SPRN: variants seen among roughly 807,000 people sequenced by gnomAD.
The protein encoded by SPRN is hypothetical protein BC004409.
For missense variants in SPRN, 312 were observed against 241.4 expected (o/e 1.29, Z -1.94); for synonymous variants, 182 against 123.4 (o/e 1.48, Z -3.15).
At chr10:133,423,860 T>A (rs1195005952) in intron 1 of SPRN, among the ~76,000 whole-genome samples, 163 bp from the exon 2 acceptor site, 1 of 152,168 alleles carries the variant, frequency 6.6e-6, no homozygotes, top group Non-Finnish European at 1.5e-5. Context: ...CGGTTTAACC[T>A]CTAGCATCAG....
rs976095197 is a variant in SPRN at position 133,423,346 on chromosome 10, C to G, written c.336G>C (p.Gly112=). The part of the protein sequence containing the change: ...DEEDGVPGGN[G]TGPGIYSYRA... ...GGTAGCTGTAGATGCCGGGGCCTGT[C>G]CCGTTGCCTCCGGGCACCCCGTCCT... The change falls in exon 2 of 2, where the codon GGG becomes GGC. Residue 112 remains glycine, a synonymous_variant. Transcript: ENST00000685335. The G allele has an allele frequency of 6.6e-7, 1 of 1,518,080 alleles. No individual in the cohort carries two copies. The highest frequency in any genetic ancestry group is 1.4e-5 in the African/African-American group (1 of 70,064). 94.0% of individuals were successfully genotyped at this position (1,518,080 alleles called of 1,614,324 possible). A position where few individuals can be genotyped will look rare whatever the true frequency, so the allele number is the denominator to read the frequency against.
chr10:133,423,936 T>C (rs1358065857), intron 1 of SPRN, among the ~76,000 whole-genome samples: 26 of 149,346 alleles, frequency 1.7e-4, no homozygotes, highest in Admixed American at 1.1e-3. Context: ...CACCTGAAGG[T>C]TGTGCACCTG....
In SPRN at chr10:133,423,476, G is replaced by A; in HGVS notation, c.206C>T (p.Ala69Val). ...APGSSLRVAA[A>V]GAAAGAAAGA... ...CGCCGCCGCCCCGGCTGCCGCCCCG[G>A]CGGCAGCCACGCGCAGGGAGGAGCC... is the stretch of plus-strand genomic sequence containing the variant. The change falls in exon 2 of 2, where the codon GCC (alanine) becomes GTC (valine). Residue 69 changes from alanine (A) to valine (V), a missense_variant. Ala to Val is a moderately conservative substitution (Grantham distance 64). Transcript: ENST00000685335. The A allele has an allele frequency of 8.6e-7, 1 of 1,161,526 alleles. No individual in the cohort carries two copies. The highest frequency in any genetic ancestry group is 4.1e-5 in the East Asian group (1 of 24,516). The allele number at this position is 1,161,526 out of a possible 1,614,324, so 72.0% of individuals were successfully genotyped here.
chr10:133,424,296 C>A (rs1288108052), intron 1 of SPRN, among the ~76,000 whole-genome samples, 177 bp downstream of exon 1: 1 of 141,352 alleles, frequency 7.1e-6, no homozygotes, highest in Non-Finnish European at 1.5e-5. Context: ...GTCCCTCCCG[C>A]GCGCGCCCGG....
In SPRN at chr10:133,421,594, C is replaced by T. The variant is rs1056799145; in HGVS notation, c.*1632G>A. On this transcript the variant is annotated 3_prime_UTR_variant, in exon 2 of 2. Transcript: ENST00000685335. ...TGGTCTGGAAGGGGTGGAGGAGCGT[C>T]TGGGCTCACTGGGCCAGGGGCATTG... The T allele has an allele frequency of 2.0e-5, 3 of 153,598 alleles. No individual in the cohort carries two copies. Among genetic ancestry groups the T allele is most frequent in the African/African-American group, 7.2e-5 (3 of 41,446 alleles). 9.5% of individuals were successfully genotyped at this position (153,598 alleles called of 1,614,324 possible). A position where few individuals can be genotyped will look rare whatever the true frequency, so the allele number is the denominator to read the frequency against.
rs1850317974 is a variant in SPRN, at chr10:133,424,227, G to A, written c.-17+246C>T. On this transcript the variant is annotated intron_variant, in intron 1 of 1. Transcript: ENST00000685335. ...TGCGGGCCTTGCGGATGCTGCGGAG[G>A]ACAAGCGGCTGCTGACATCGTGCGG... Among the ~76,000 whole-genome samples the A allele has an allele frequency of 3.0e-5, 4 of 133,540 alleles. No individual in the cohort carries two copies. The South Asian group carries it at 1.0e-3, about 34-fold the overall frequency. The allele number at this position is 133,540 out of a possible 152,430, so 87.6% of individuals were successfully genotyped here.
rs1369557660 is a variant in SPRN at position 133,421,844 on chromosome 10, T to TCC, written c.*1380_*1381dup. The TCC allele has an allele frequency of 1.4e-5, 2 of 147,616 alleles. No individual in the cohort carries two copies. Among genetic ancestry groups the TCC allele is most frequent in the Non-Finnish European group, 3.0e-5 (2 of 67,634 alleles). The allele number at this position is 147,616 out of a possible 1,614,324, so 9.1% of individuals were successfully genotyped here. ...AGGCTCAGGCCCAGGAGGGATGCAG[T>TCC]CCGGCTGAGGGCGAGGCTGTCCCCA... On this transcript the variant is annotated 3_prime_UTR_variant, in exon 2 of 2. Coordinates refer to ENST00000685335, the MANE Select transcript of SPRN (RefSeq NM_001391974.1).
rs946550944 is a variant in SPRN at position 133,422,254 on chromosome 10, C to T, written c.*972G>A. ...CAGGCCGTCAGCTGCCAGCCCACCA[C>T]GCGGATACCCAGGCCCTGTTCCGAG... is the stretch of plus-strand genomic sequence containing the variant. On this transcript the variant is annotated 3_prime_UTR_variant, in exon 2 of 2. Transcript: ENST00000685335. 1.3e-5 allele frequency: 2 copies of T among 152,426 alleles called. No homozygotes were observed. Among genetic ancestry groups the T allele is most frequent in the African/African-American group, 4.8e-5 (2 of 41,468 alleles). The allele number at this position is 152,426 out of a possible 1,614,324, so 9.4% of individuals were successfully genotyped here. A position where few individuals can be genotyped will look rare whatever the true frequency, so the allele number is the denominator to read the frequency against.
rs1850304815 is a variant in SPRN at position 133,423,657 on chromosome 10, A to C, written c.25T>G (p.Trp9Gly). The change falls in exon 2 of 2, where the codon TGG becomes GGG. Residue 9 changes from tryptophan to glycine, a missense_variant. By Grantham distance (184) the Trp-to-Gly change is radical. Transcript: ENST00000685335. MNWAPATC[W>G]ALLLAAAFLC... ...AAGGCGGCCGCCAGTAGCAGAGCCCAGCACGTTGCGGGTGCCCAGTTCATC... is the reference window on the plus strand; with the variant it reads ...AAGGCGGCCGCCAGTAGCAGAGCCCCGCACGTTGCGGGTGCCCAGTTCATC... 4.4e-6 allele frequency: 7 copies of C among 1,586,360 alleles called. No homozygotes were observed. The highest frequency in any genetic ancestry group is 3.4e-5 in the Admixed American group (2 of 58,432).
rs1359088098 is a variant in SPRN, at chr10:133,422,960, CA to C, written c.*265del. ...GTGGCTGGGCGGTTGGTACAGGAGCCACAGGCAGCTGCCTTTTTGGCTGAGG... is the reference window on the plus strand; with the variant it reads ...GTGGCTGGGCGGTTGGTACAGGAGCCCAGGCAGCTGCCTTTTTGGCTGAGG... On this transcript the variant is annotated 3_prime_UTR_variant, in exon 2 of 2. Coordinates refer to ENST00000685335, the MANE Select transcript of SPRN (RefSeq NM_001391974.1). 2.7e-6 allele frequency: 1 copy of C among 373,988 alleles called. No individual in the cohort carries two copies. Among genetic ancestry groups the C allele is most frequent in the Non-Finnish European group, 4.8e-6 (1 of 208,422 alleles). 23.2% of individuals were successfully genotyped at this position (373,988 alleles called of 1,614,324 possible).
intron 1 of SPRN, among the ~76,000 whole-genome samples, chr10:133,423,952 G>A (rs1180306604): frequency 2.6e-5 from 4 of 151,324 alleles, no homozygotes; most frequent in Non-Finnish European, 5.9e-5. Flanking sequence ...ACCTGGATTG[G>A]GGGTGTAGAA....
chr10:133,421,193 T>A lies in SPRN; in HGVS notation c.*2033A>T, dbSNP rs1266757928. ...CTCTGCTGCCCCATACCCCACACAC[T>A]CATCAGCCTGAAGTTAGCCCCTGAG... is the stretch of plus-strand genomic sequence containing the variant. On this transcript the variant is annotated 3_prime_UTR_variant, in exon 2 of 2. Coordinates refer to ENST00000685335, the MANE Select transcript of SPRN (RefSeq NM_001391974.1). The A allele has an allele frequency of 1.3e-5, 2 of 152,318 alleles. No individual in the cohort carries two copies. Among genetic ancestry groups the A allele is most frequent in the African/African-American group, 4.8e-5 (2 of 41,354 alleles). 9.4% of individuals were successfully genotyped at this position (152,318 alleles called of 1,614,324 possible).
At position 133,423,589 on chromosome 10, in the gene SPRN, C is replaced by T. The variant is rs1218917176; in HGVS notation, c.93G>A (p.Ala31=). The change falls in exon 2 of 2, where the codon GCG becomes GCA. Residue 31 remains alanine, a synonymous_variant. Transcript: ENST00000685335. ...SGAAKGGRGG[A]RGSARGGVRG... is the part of the protein sequence containing the mutation. ...GGACCCCTCCCCGGGCACTGCCCCG[C>T]GCACCTCCGCGGCCGCCCTTGGCTG... 1.3e-6 allele frequency: 2 copies of T among 1,490,348 alleles called. No individual in the cohort carries two copies. Among genetic ancestry groups the T allele is most frequent in the Non-Finnish European group, 1.8e-6 (2 of 1,121,596 alleles). The allele number at this position is 1,490,348 out of a possible 1,614,324, so 92.3% of individuals were successfully genotyped here.
At position 133,423,335 on chromosome 10, in the gene SPRN, C is replaced by G. The variant is rs747183635; in HGVS notation, c.347G>C (p.Gly116Ala). 5 of 1,522,500 alleles carry G rather than the reference C, an allele frequency of 3.3e-6. No homozygotes were observed. In the South Asian group the frequency reaches 6.1e-5, roughly 19 times the overall value. 94.3% of individuals were successfully genotyped at this position (1,522,500 alleles called of 1,614,324 possible). A position where few individuals can be genotyped will look rare whatever the true frequency, so the allele number is the denominator to read the frequency against. ...AGTCCACGCCCGGTAGCTGTAGATG[C>G]CGGGGCCTGTCCCGTTGCCTCCGGG... ...GVPGGNGTGP[G>A]IYSYRAWTSG... Residue 116 changes from glycine to alanine, a missense_variant, in exon 2 of 2, where the codon GGC (glycine) becomes GCC (alanine). Physicochemically the swap from Gly to Ala is moderately conservative, Grantham distance 60. Transcript: ENST00000685335.
rs1178658899 is a variant in SPRN, at chr10:133,423,361, C to T, written c.321G>A (p.Val107=). ...ERGLEDEEDG[V]PGGNGTGPGI... is the part of the protein sequence containing the mutation. ...CGGGGCCTGTCCCGTTGCCTCCGGG[C>T]ACCCCGTCCTCCTCGTCCTCCAGGC... Residue 107 remains valine, a synonymous_variant, in exon 2 of 2, where the codon GTG becomes GTA. Transcript: ENST00000685335. The T allele has an allele frequency of 6.6e-7, 1 of 1,513,864 alleles. No homozygotes were observed. The highest frequency in any genetic ancestry group is 2.0e-5 in the Admixed American group (1 of 49,118). 93.8% of individuals were successfully genotyped at this position (1,513,864 alleles called of 1,614,324 possible). A position where few individuals can be genotyped will look rare whatever the true frequency, so the allele number is the denominator to read the frequency against.
rs1239120620 is a variant in SPRN, at chr10:133,422,583, G to T, written c.*643C>A. ...CTGAGGGTGTGGGGGAGAAGGCCTG[G>T]ACAGCCCCTCAGGGCAGGGTGTGTT... On this transcript the variant is annotated 3_prime_UTR_variant, in exon 2 of 2. Transcript: ENST00000685335. 6.6e-6 allele frequency: 1 copy of T among 152,276 alleles called. No homozygotes were observed. The highest frequency in any genetic ancestry group is 1.5e-5 in the Non-Finnish European group (1 of 68,128). 9.4% of individuals were successfully genotyped at this position (152,276 alleles called of 1,614,324 possible).
Position 133,421,911 on chromosome 10 carries a change from A to AGGGGGGGGGGGGGGGG in SPRN, c.*1314_*1315insCCCCCCCCCCCCCCCC, listed in dbSNP as rs1219971034. The AGGGGGGGGGGGGGGGG allele has an allele frequency of 9.3e-5, 11 of 118,828 alleles. No individual in the cohort carries two copies. Among genetic ancestry groups the AGGGGGGGGGGGGGGGG allele is most frequent in the Admixed American group, 2.9e-4 (3 of 10,284 alleles). The allele number at this position is 118,828 out of a possible 1,614,324, so 7.4% of individuals were successfully genotyped here. On this transcript the variant is annotated 3_prime_UTR_variant, in exon 2 of 2. Transcript: ENST00000685335. ...AGATCCCAAGGCCACGGCGGGGGGC[A>AGGGGGGGGGGGGGGGG]GGGAGAACCCCTCCTACCCTGGATG...
At position 133,423,156 on chromosome 10, in the gene SPRN, G is replaced by A; in HGVS notation, c.*70C>T. 6.8e-6 allele frequency: 9 copies of A among 1,332,014 alleles called. No individual in the cohort carries two copies. Among genetic ancestry groups the A allele is most frequent in the Non-Finnish European group, 8.8e-6 (9 of 1,023,698 alleles). The allele number at this position is 1,332,014 out of a possible 1,614,324, so 82.5% of individuals were successfully genotyped here. On this transcript the variant is annotated 3_prime_UTR_variant, in exon 2 of 2. Coordinates refer to ENST00000685335, the MANE Select transcript of SPRN (RefSeq NM_001391974.1). ...ACCGTGGGCAAGGGAGGAAGGGGGA[G>A]CCCAGGCCGGAGGATCCTGGGGGAT...
Position 133,422,165 on chromosome 10 carries a change from G to A in SPRN, c.*1061C>T, listed in dbSNP as rs898912422. Reference sequence around the variant, plus strand: ...CTCTTGCATGGGTGTCCTGCTGGGCGCTGGGCCCCGCCACTGGCCCCCTGC... The same window carrying A: ...CTCTTGCATGGGTGTCCTGCTGGGCACTGGGCCCCGCCACTGGCCCCCTGC... On this transcript the variant is annotated 3_prime_UTR_variant, in exon 2 of 2. Transcript: ENST00000685335. The A allele has an allele frequency of 4.6e-5, 7 of 152,578 alleles. No individual in the cohort carries two copies. The highest frequency in any genetic ancestry group is 8.8e-5 in the Non-Finnish European group (6 of 68,314). The allele number at this position is 152,578 out of a possible 1,614,324, so 9.5% of individuals were successfully genotyped here. A position where few individuals can be genotyped will look rare whatever the true frequency, so the allele number is the denominator to read the frequency against.
Sources: gnomAD v4.1 joint callset for allele counts (sites outside exome capture counted in the v4.1 genomes callset) on GRCh38, gnomAD v4.1.1 for gene constraint, MANE v1.5 for transcripts, NCBI Gene and HGNC (gene_info 2026-07-23, HGNC 2026-07-21) for gene names.